The following ENTREP1 variants were observed in gnomAD, a reference collection of about 807,000 sequenced individuals.
ENTREP1 encodes the protein Friedreich ataxia region gene X123.
the ENTREP1 span, chr9:69,377,552 C>G: frequency 6.2e-7 from 1 of 1,612,002 alleles, no homozygotes; most frequent in South Asian, 1.1e-5. Flanking sequence ...CATCCACTGC[C>G]TCTCTCCCCG....
chr9:69,344,288 T>TA, the ENTREP1 span, among the ~76,000 whole-genome samples: 1 of 152,162 alleles, frequency 6.6e-6, no homozygotes, highest in African/African-American at 2.4e-5. Flanking sequence ...GTGTGTATGT[T>TA]AAAAAACACC....
the ENTREP1 span, among the ~76,000 whole-genome samples, chr9:69,390,387 C>T: frequency 6.6e-6 from 1 of 152,118 alleles, no homozygotes; most frequent in Non-Finnish European, 1.5e-5. Context: ...CATGGCAGTG[C>T]AATTTTTAAA....
chr9:69,330,200 G>C, the ENTREP1 span, among the ~76,000 whole-genome samples: 13,161 of 152,114 alleles, frequency 0.087, 735 homozygotes, highest in African/African-American at 0.15. Flanking sequence ...ATTCCACTGG[G>C]GTATGGGAGA....
the ENTREP1 span, among the ~76,000 whole-genome samples, chr9:69,337,640 A>G: frequency 6.6e-6 from 1 of 152,172 alleles, no homozygotes; most frequent in Non-Finnish European, 1.5e-5. Flanking sequence ...TATCATTCAC[A>G]GTTTTAAATG....
At chr9:69,389,678 C>T in the ENTREP1 span, among the ~76,000 whole-genome samples, 1 of 152,202 alleles carries the variant, frequency 6.6e-6, no homozygotes, top group South Asian at 2.1e-4. Flanking sequence ...AATCAGGAGT[C>T]ACTTCTGGAA....
At chr9:69,377,550 G>A in the ENTREP1 span, 4 of 1,612,006 alleles carry the variant, frequency 2.5e-6, no homozygotes, top group Non-Finnish European at 3.4e-6. Context: ...GTCATCCACT[G>A]CCTCTCTCCC....
At chr9:69,335,821 C>G in the ENTREP1 span, among the ~76,000 whole-genome samples, 8 of 152,242 alleles carry the variant, frequency 5.3e-5, no homozygotes, top group Non-Finnish European at 8.8e-5. Context: ...GAAAACAGGC[C>G]AGGTGTGGTG....
At chr9:69,340,324 T>C in the ENTREP1 span, among the ~76,000 whole-genome samples, 1 of 152,156 alleles carries the variant, frequency 6.6e-6, no homozygotes, top group Non-Finnish European at 1.5e-5. Context: ...TTGAGAACCA[T>C]TTACATTTGG....
the ENTREP1 span, among the ~76,000 whole-genome samples, chr9:69,354,018 ATTGGATTATT>A: frequency 6.6e-6 from 1 of 152,096 alleles, no homozygotes. Flanking sequence ...CTCTTTTGCC[ATTGGATTATT>A]TTGAAATAAA....
At chr9:69,388,873 G>C in the ENTREP1 span, among the ~76,000 whole-genome samples, 1 of 152,156 alleles carries the variant, frequency 6.6e-6, no homozygotes, top group Admixed American at 6.5e-5. Context: ...CTAAGAGGCT[G>C]TTCACATTCC....
At chr9:69,376,002 A>G in the ENTREP1 span, 1 of 829,896 alleles carries the variant, frequency 1.2e-6, no homozygotes, top group African/African-American at 1.7e-5. Flanking sequence ...GTGACCCCAG[A>G]GACAGAATTG....
At chr9:69,348,306 G>C in the ENTREP1 span, among the ~76,000 whole-genome samples, 1 of 151,982 alleles carries the variant, frequency 6.6e-6, no homozygotes, top group African/African-American at 2.4e-5. Flanking sequence ...TTTTTGTAGA[G>C]ACAGGGTTTC....
chr9:69,324,686 A>G, the ENTREP1 span: 6 of 984,550 alleles, frequency 6.1e-6, no homozygotes, highest in Non-Finnish European at 4.8e-6. Context: ...GTCCTTCCCG[A>G]AGTCCTTGGC....
At chr9:69,381,745 A>C in the ENTREP1 span, 1 of 152,264 alleles carries the variant, frequency 6.6e-6, no homozygotes, top group East Asian at 1.9e-4. Context: ...AGGTAAAATA[A>C]GAAATTGCTT....
chr9:69,373,917 A>G, the ENTREP1 span, among the ~76,000 whole-genome samples: 1 of 152,050 alleles, frequency 6.6e-6, no homozygotes, highest in Non-Finnish European at 1.5e-5. Flanking sequence ...CTCATGTTAT[A>G]CTCCAAACAA....
chr9:69,367,808 TAC>T, the ENTREP1 span, among the ~76,000 whole-genome samples: 1 of 79,492 alleles, frequency 1.3e-5, no homozygotes, highest in Non-Finnish European at 2.5e-5. Flanking sequence ...TAAATATATA[TAC>T]ACACATATAT....
the ENTREP1 span, among the ~76,000 whole-genome samples, chr9:69,362,667 T>A: frequency 5.9e-5 from 9 of 152,284 alleles, no homozygotes; most frequent in African/African-American, 2.2e-4. Flanking sequence ...CCTGGGTGTG[T>A]CTGTGAGGGT....
chr9:69,339,291 G>A, the ENTREP1 span, among the ~76,000 whole-genome samples: 1 of 152,152 alleles, frequency 6.6e-6, no homozygotes, highest in Non-Finnish European at 1.5e-5. Context: ...AAAGTTCTGG[G>A]ATTACAGGTA....
At chr9:69,363,014 C>T in the ENTREP1 span, among the ~76,000 whole-genome samples, 1 of 152,142 alleles carries the variant, frequency 6.6e-6, no homozygotes, top group Admixed American at 6.5e-5. Flanking sequence ...TAGTTCTGCA[C>T]CTCTAGAGAA....
Sources: allele counts gnomAD v4.1 joint callset (sites outside exome capture counted in the v4.1 genomes callset), GRCh38; gene constraint gnomAD v4.1.1; transcripts MANE v1.5; gene names NCBI Gene and HGNC (gene_info 2026-07-23, HGNC 2026-07-21).